Variants in AP3B1 observed in about 807,000 individuals in gnomAD.
AP3B1 encodes AP-3 complex subunit beta-1.
A neutral mutation model predicts 132.5 loss-of-function variants in AP3B1; 61 were observed. That is an observed-to-expected ratio of 0.46 (90% CI 0.37 to 0.57). The LOEUF is 0.57. AP3B1 is among the 20% of genes least tolerant of loss of function. AP3B1 has a pLI of 0.00. For synonymous variants in AP3B1, 388 were observed against 438.3 expected (o/e 0.89, Z 1.43); for missense variants, 1,120 against 1,289.4 (o/e 0.87, Z 2.01).
chr5:78,155,126 T>C (rs75425389), intron 14 of AP3B1, among the ~76,000 whole-genome samples: 2,149 of 152,340 alleles, frequency 0.014, 56 homozygotes, highest in African/African-American at 0.049. Flanking sequence ...TCAAAGGGAC[T>C]TGGGCCTCAA....
chr5:78,211,067 C>A (rs1360704295), intron 7 of AP3B1, among the ~76,000 whole-genome samples: 1 of 152,156 alleles, frequency 6.6e-6, no homozygotes, highest in African/African-American at 2.4e-5. Context: ...TTAGCAGTCT[C>A]TTGAATTTAT....
chr5:78,087,641 C>T, intron 22 of AP3B1: 1 of 985,240 alleles, frequency 1.0e-6, no homozygotes, highest in Non-Finnish European at 1.2e-6. Context: ...ATTTTTTGCC[C>T]AACTTTAGAT....
intron 25 of AP3B1, among the ~76,000 whole-genome samples, chr5:78,018,621 T>C (rs1360548787): frequency 1.3e-5 from 2 of 151,736 alleles, no homozygotes; most frequent in Non-Finnish European, 1.5e-5. Context: ...AAGATATTAA[T>C]TATGTAAATC....
At chr5:78,227,604 T>C (rs1329416918) in intron 4 of AP3B1, 72 bp from the exon 5 acceptor site, 1 of 1,462,326 alleles carries the variant, frequency 6.8e-7, no homozygotes, top group Non-Finnish European at 9.5e-7. Context: ...TCAGACACAG[T>C]TAATAGGTGC....
At chr5:78,274,914 CTT>C (rs57570732) in intron 1 of AP3B1, among the ~76,000 whole-genome samples, 1 of 149,458 alleles carries the variant, frequency 6.7e-6, no homozygotes, top group African/African-American at 2.5e-5. Flanking sequence ...GAGACCCTAT[CTT>C]TTTTTTAAAA....
chr5:78,059,678 C>T (rs952254625), intron 22 of AP3B1, among the ~76,000 whole-genome samples: 2 of 152,150 alleles, frequency 1.3e-5, no homozygotes, highest in African/African-American at 4.8e-5. Flanking sequence ...CCTCCCCTAA[C>T]ACTCCTTCTA....
chr5:78,244,365 A>G (rs185915934), intron 2 of AP3B1, among the ~76,000 whole-genome samples: 5 of 152,210 alleles, frequency 3.3e-5, no homozygotes, highest in Admixed American at 3.3e-4. Flanking sequence ...GTGAGCCGAG[A>G]TCACGCCACT....
At chr5:78,094,209 G>A (rs982225489) in intron 21 of AP3B1, among the ~76,000 whole-genome samples, 1 of 152,016 alleles carries the variant, frequency 6.6e-6, no homozygotes, top group African/African-American at 2.4e-5. Flanking sequence ...TAATTTCCAG[G>A]AATATAAAAT....
chr5:78,088,007 T>C (rs894240096), intron 22 of AP3B1, among the ~76,000 whole-genome samples: 3 of 152,200 alleles, frequency 2.0e-5, no homozygotes, highest in Admixed American at 6.5e-5. Context: ...CACAGTCACA[T>C]AGCTATTAAG....
intron 17 of AP3B1, among the ~76,000 whole-genome samples, chr5:78,126,853 GC>G (rs1752486861): frequency 6.6e-6 from 1 of 152,092 alleles, no homozygotes. Flanking sequence ...TCACTTACTT[GC>G]CATGTGAACT....
intron 24 of AP3B1, among the ~76,000 whole-genome samples, chr5:78,028,189 G>A (rs1228243731): frequency 6.7e-6 from 1 of 148,582 alleles, no homozygotes; most frequent in Non-Finnish European, 1.5e-5. Context: ...TGGGTGCTGT[G>A]GCTCACGCCT....
intron 24 of AP3B1, among the ~76,000 whole-genome samples, chr5:78,025,951 A>G (rs1178306643): frequency 2.6e-5 from 4 of 152,132 alleles, no homozygotes; most frequent in Non-Finnish European, 4.4e-5. Context: ...TTTCCTCTTT[A>G]TTTGGGGGAA....
At chr5:78,151,860 CCTCCCCCTCCT>C (rs1268357129) in intron 14 of AP3B1, among the ~76,000 whole-genome samples, 1 of 45,200 alleles carries the variant, frequency 2.2e-5, no homozygotes, top group Non-Finnish European at 4.3e-5. Flanking sequence ...TCCCCCTTCC[CCTCCCCCTCCT>C]CTCCCCATCC....
intron 2 of AP3B1, among the ~76,000 whole-genome samples, chr5:78,260,689 C>T (rs1748053554): frequency 6.6e-6 from 1 of 151,710 alleles, no homozygotes; most frequent in Admixed American, 6.6e-5. Flanking sequence ...CTCATGCCTA[C>T]ACAACTATTT....
Position 78,101,045 on chromosome 5 carries a change from T to C in AP3B1, c.2398-20A>G, listed in dbSNP as rs1371991684. On this transcript the variant is annotated intron_variant, in intron 20 of 26. Coordinates refer to ENST00000255194, the MANE Select transcript of AP3B1 (RefSeq NM_003664.5). ...TTTCTCCTATAAAATAACAAATATT[T>C]CATTTATCACACGTTCTGTTTTAAA... is the stretch of plus-strand genomic sequence containing the variant. 1 of 1,382,018 alleles carries C rather than the reference T, an allele frequency of 7.2e-7. No homozygotes were observed. Among genetic ancestry groups the C allele is most frequent in the Non-Finnish European group, 1.0e-6 (1 of 984,794 alleles). The allele number at this position is 1,382,018 out of a possible 1,614,324, so 85.6% of individuals were successfully genotyped here.
chr5:78,224,435 G>A lies in AP3B1; in HGVS notation c.603+1107C>T, dbSNP rs563701122. ...ACTTAATCTAAGAAAAAGCAATAAAGGAGAAATAAGGAACAAAAAAGGCAT... is the reference window on the plus strand; with the variant it reads ...ACTTAATCTAAGAAAAAGCAATAAAAGAGAAATAAGGAACAAAAAAGGCAT... On this transcript the variant is annotated intron_variant, in intron 6 of 26. Transcript: ENST00000255194. Among the ~76,000 whole-genome samples, 42 of 151,936 alleles carry A rather than the reference G, an allele frequency of 2.8e-4. No individual in the cohort carries two copies. The Middle Eastern group carries it at 0.017, about 62-fold the overall frequency.
intron 21 of AP3B1, among the ~76,000 whole-genome samples, chr5:78,095,542 C>A (rs1239618785): frequency 6.6e-6 from 1 of 152,152 alleles, no homozygotes; most frequent in African/African-American, 2.4e-5. Context: ...GGTTCCTTCA[C>A]AAGGTTTTTG....
intron 17 of AP3B1, among the ~76,000 whole-genome samples, chr5:78,118,846 C>G (rs543577307): frequency 1.4e-4 from 22 of 152,312 alleles, no homozygotes; most frequent in African/African-American, 4.8e-4. Context: ...CAGCACGCAG[C>G]TGGAGATCTG....
intron 7 of AP3B1, among the ~76,000 whole-genome samples, chr5:78,212,863 T>C (rs1745800139): frequency 6.6e-6 from 1 of 152,278 alleles, no homozygotes; most frequent in East Asian, 1.9e-4. Context: ...CTTTGAGATT[T>C]AGTCTGCCAA....
Sources: gnomAD v4.1 joint callset for allele counts (sites outside exome capture counted in the v4.1 genomes callset) on GRCh38, gnomAD v4.1.1 for gene constraint, MANE v1.5 for transcripts, NCBI Gene and HGNC (gene_info 2026-07-23, HGNC 2026-07-21) for gene names.